Variants in KCNJ6 observed in about 807,000 individuals in gnomAD.
KCNJ6 encodes the protein G protein-activated inward rectifier potassium channel 2.
In KCNJ6, 9 loss-of-function variants were observed where a neutral mutation model predicts 34.2. The ratio of observed to expected loss-of-function variants is 0.26; its 90% CI spans 0.16 to 0.46. KCNJ6 has a LOEUF of 0.46. KCNJ6 is among the 20% of genes least tolerant of loss of function. The pLI is 1.00. For missense variants in KCNJ6, 236 were observed against 531.3 expected, an observed-to-expected ratio of 0.44 and a Z score of 5.46; for synonymous variants, 196 against 207.1, an observed-to-expected ratio of 0.95 and a Z score of 0.46.
chr21:37,781,669 T>G (rs1180551816), intron 2 of KCNJ6, among the ~76,000 whole-genome samples: 1 of 152,202 alleles, frequency 6.6e-6, no homozygotes, highest in Admixed American at 6.5e-5. Flanking sequence ...GTGTCTATCA[T>G]TATCCCATTC....
At chr21:37,633,762 T>C (rs2054344313) in intron 3 of KCNJ6, among the ~76,000 whole-genome samples, 1 of 152,096 alleles carries the variant, frequency 6.6e-6, no homozygotes, top group Admixed American at 6.5e-5. Flanking sequence ...ATAAAACCTT[T>C]ATGACAATTT....
intron 2 of KCNJ6, among the ~76,000 whole-genome samples, chr21:37,768,957 C>T (rs2055104281): frequency 6.6e-6 from 1 of 152,210 alleles, no homozygotes; most frequent in Non-Finnish European, 1.5e-5. Flanking sequence ...TACCTGCATG[C>T]AGGTGTGTTT....
chr21:37,835,048 G>A (rs139644467), intron 2 of KCNJ6, among the ~76,000 whole-genome samples: 1 of 152,296 alleles, frequency 6.6e-6, no homozygotes, highest in African/African-American at 2.4e-5. Context: ...ACAACCCCTA[G>A]GGACGCTCTG....
chr21:37,809,059 T>C (rs950168694), intron 2 of KCNJ6, among the ~76,000 whole-genome samples: 21 of 152,328 alleles, frequency 1.4e-4, no homozygotes, highest in African/African-American at 4.8e-4. Flanking sequence ...CATGCTGCTA[T>C]AAAGACACAT....
chr21:37,745,295 T>C lies in KCNJ6; in HGVS notation c.26-30164A>G, dbSNP rs2054962592. Among the ~76,000 whole-genome samples, 5 of 152,136 alleles carry C rather than the reference T, an allele frequency of 3.3e-5. No homozygotes were observed. In the Middle Eastern group the frequency reaches 0.01, roughly 310 times the overall value. ...TGTATTATTTATTTATTTATTTCTA[T>C]ATTTATTGCAGAGATGAGGTATTAC... On this transcript the variant is annotated intron_variant, in intron 2 of 3. Coordinates refer to ENST00000609713, the MANE Select transcript of KCNJ6 (RefSeq NM_002240.5).
At chr21:37,629,880 T>G (rs973076458) in intron 3 of KCNJ6, among the ~76,000 whole-genome samples, 3 of 150,620 alleles carry the variant, frequency 2.0e-5, no homozygotes, top group Non-Finnish European at 3.0e-5. Flanking sequence ...TTTCCAATTT[T>G]TATTCATTTT....
At chr21:37,858,134 G>A (rs2055574250) in intron 1 of KCNJ6, among the ~76,000 whole-genome samples, 1 of 152,090 alleles carries the variant, frequency 6.6e-6, no homozygotes, top group Admixed American at 6.5e-5. Context: ...GCTCACGCCT[G>A]TAATCTCAGC....
intron 1 of KCNJ6, among the ~76,000 whole-genome samples, chr21:37,845,304 G>T (rs1039461503): frequency 1.3e-5 from 2 of 152,194 alleles, no homozygotes; most frequent in African/African-American, 4.8e-5. Flanking sequence ...AATCATACTT[G>T]TTGGGAGAAA....
chr21:37,644,687 G>A (rs1353641195), intron 3 of KCNJ6, among the ~76,000 whole-genome samples: 1 of 152,126 alleles, frequency 6.6e-6, no homozygotes, highest in Non-Finnish European at 1.5e-5. Flanking sequence ...CACTTTTATT[G>A]CCTTTTCATA....
At chr21:37,792,559 A>C (rs2055221857) in intron 2 of KCNJ6, among the ~76,000 whole-genome samples, 1 of 152,234 alleles carries the variant, frequency 6.6e-6, no homozygotes, top group Non-Finnish European at 1.5e-5. Context: ...AGAGGGAGCA[A>C]GTGGCTGAGA....
Position 37,770,623 on chromosome 21 carries a change from C to T in KCNJ6, c.26-55492G>A, listed in dbSNP as rs150098438. On this transcript the variant is annotated intron_variant, in intron 2 of 3. Coordinates refer to ENST00000609713, the MANE Select transcript of KCNJ6 (RefSeq NM_002240.5). The stretch of plus-strand genomic sequence containing the variant: ...TCCTCTGCAGGACTGATAATGGCCC[C>T]GGCCTTTCAAGAATGAGGTTTGGGT... Among the ~76,000 whole-genome samples the T allele has an allele frequency of 7.1e-3, 1,080 of 152,214 alleles. 10 individuals are homozygous for T. Among genetic ancestry groups the T allele is most frequent in the African/African-American group, 0.025 (1,043 of 41,524 alleles).
At chr21:37,767,300 G>A (rs1408119223) in intron 2 of KCNJ6, among the ~76,000 whole-genome samples, 2 of 152,218 alleles carry the variant, frequency 1.3e-5, no homozygotes, top group African/African-American at 2.4e-5. Context: ...CGTCATTTGT[G>A]TTCACAGTTT....
intron 2 of KCNJ6, among the ~76,000 whole-genome samples, chr21:37,838,766 T>C (rs2055464481): frequency 6.6e-6 from 1 of 152,238 alleles, no homozygotes; most frequent in Non-Finnish European, 1.5e-5. Context: ...ACCAGTGATA[T>C]GATTTGGCTC....
chr21:37,795,715 C>T (rs2055237991), intron 2 of KCNJ6, among the ~76,000 whole-genome samples: 1 of 127,406 alleles, frequency 7.8e-6, no homozygotes, highest in Non-Finnish European at 1.6e-5. Flanking sequence ...GCCTGGGCAA[C>T]AAGAGGGAAA....
chr21:37,790,094 T>A (rs987998622), intron 2 of KCNJ6, among the ~76,000 whole-genome samples: 9 of 152,192 alleles, frequency 5.9e-5, no homozygotes, highest in Non-Finnish European at 4.4e-5. Flanking sequence ...CTTTGATGGG[T>A]CAGACTCAAG....
intron 2 of KCNJ6, among the ~76,000 whole-genome samples, chr21:37,771,769 T>A (rs1234361618): frequency 6.6e-6 from 1 of 152,228 alleles, no homozygotes; most frequent in Non-Finnish European, 1.5e-5. Flanking sequence ...TTATATGTAT[T>A]ACTTGGAACT....
At chr21:37,715,966 C>G (rs2054788550) in intron 2 of KCNJ6, among the ~76,000 whole-genome samples, 1 of 152,208 alleles carries the variant, frequency 6.6e-6, no homozygotes, top group Non-Finnish European at 1.5e-5. Context: ...AATTCGTGAG[C>G]CTCAGTTTCC....
chr21:37,812,237 C>T (rs570673142), intron 2 of KCNJ6, among the ~76,000 whole-genome samples: 1 of 152,230 alleles, frequency 6.6e-6, no homozygotes, highest in South Asian at 2.1e-4. Context: ...CTCCCTTGGC[C>T]CCATCACCAG....
chr21:37,775,789 C>T (rs992841621), intron 2 of KCNJ6, among the ~76,000 whole-genome samples: 10 of 151,992 alleles, frequency 6.6e-5, no homozygotes, highest in African/African-American at 1.7e-4. Context: ...TAGCGTGATG[C>T]CTCCAACTTT....
Sources: gnomAD v4.1 joint callset for allele counts (sites outside exome capture counted in the v4.1 genomes callset) on GRCh38, gnomAD v4.1.1 for gene constraint, MANE v1.5 for transcripts, NCBI Gene and HGNC (gene_info 2026-07-23, HGNC 2026-07-21) for gene names.